CACNA2D1: variants seen among roughly 807,000 people sequenced by gnomAD.
CACNA2D1 encodes voltage-dependent calcium channel subunit alpha-2/delta-1.
A neutral mutation model predicts 171.5 loss-of-function variants in CACNA2D1; 53 were observed. The observed-to-expected ratio is 0.31, with a 90% confidence interval of 0.25 to 0.39. The LOEUF is 0.39. Among genes scored for constraint, CACNA2D1 ranks in the 10% least tolerant of loss-of-function variants. CACNA2D1 has a pLI of 1.00. For missense variants in CACNA2D1, 903 were observed against 1,299.8 expected (o/e 0.69, Z 4.69); for synonymous variants, 442 against 443.1 (o/e 1.00, Z 0.03).
At chr7:82,072,635 G>A (rs191812974) in intron 7 of CACNA2D1, among the ~76,000 whole-genome samples, 2 of 151,444 alleles carry the variant, frequency 1.3e-5, no homozygotes, top group African/African-American at 2.4e-5. Context: ...AGCATTCCAG[G>A]TGAGTAAATA....
At chr7:82,407,512 TTGAA>T (rs1249964449) in intron 1 of CACNA2D1, among the ~76,000 whole-genome samples, 1 of 152,254 alleles carries the variant, frequency 6.6e-6, no homozygotes, top group East Asian at 1.9e-4. Flanking sequence ...GCTAAAATTT[TTGAA>T]TGAAGATTCC....
chr7:82,061,763 G>A lies in CACNA2D1; in HGVS notation c.780-1236C>T, dbSNP rs569870763. Reference sequence around the variant, plus strand: ...TTTCAAAGACAGTTTGATGGGCAGGGGACTAGGATATCAGTGCTGCTAACT... The same window carrying A: ...TTTCAAAGACAGTTTGATGGGCAGGAGACTAGGATATCAGTGCTGCTAACT... On this transcript the variant is annotated intron_variant, in intron 9 of 38. Transcript: ENST00000356860. 9.4e-4 allele frequency among the ~76,000 whole-genome samples: 143 copies of A among 152,234 alleles called. No individual in the cohort carries two copies. The Middle Eastern group carries it at 0.02, about 22-fold the overall frequency.
chr7:82,097,901 GT>G (rs1812093401), intron 6 of CACNA2D1, among the ~76,000 whole-genome samples: 1 of 127,530 alleles, frequency 7.8e-6, no homozygotes, highest in East Asian at 2.4e-4. Context: ...ATCACTTGAG[GT>G]CAGGAGTTCA....
chr7:82,247,178 T>G (rs1805028327), intron 3 of CACNA2D1, among the ~76,000 whole-genome samples: 1 of 152,188 alleles, frequency 6.6e-6, no homozygotes, highest in Admixed American at 6.5e-5. Flanking sequence ...ATTCTTTCTA[T>G]TGTATTTAAC....
intron 4 of CACNA2D1, among the ~76,000 whole-genome samples, chr7:82,154,966 T>C (rs1233618270): frequency 1.3e-5 from 2 of 152,116 alleles, no homozygotes; most frequent in African/African-American, 2.4e-5. Flanking sequence ...CAGTTTCTTA[T>C]GAATGGTTCA....
chr7:82,000,771 C>CTTTTT (rs774565705), intron 18 of CACNA2D1, among the ~76,000 whole-genome samples: 654 of 51,996 alleles, frequency 0.013, 85 homozygotes, highest in Middle Eastern at 0.023. Flanking sequence ...ATTTTTCTTT[C>CTTTTT]TTTTTTTTTT....
At chr7:82,146,462 A>T (rs4732426) in intron 4 of CACNA2D1, among the ~76,000 whole-genome samples, 28,529 of 120,302 alleles carry the variant, frequency 0.24, 4,206 homozygotes, top group East Asian at 0.36. Flanking sequence ...AGATATATAT[A>T]AATATATATC....
At chr7:82,032,081 G>T (rs1483740341) in intron 12 of CACNA2D1, among the ~76,000 whole-genome samples, 2 of 151,860 alleles carry the variant, frequency 1.3e-5, no homozygotes, top group Non-Finnish European at 2.9e-5. Context: ...CTGATAATAG[G>T]ACGGCTAGAA....
chr7:82,201,581 T>C (rs577955474), intron 3 of CACNA2D1, among the ~76,000 whole-genome samples: 19 of 152,200 alleles, frequency 1.2e-4, no homozygotes, highest in Non-Finnish European at 7.3e-5. Flanking sequence ...AGGTGCACTC[T>C]TCCCCCAGGT....
At chr7:82,423,001 T>C (rs901037227) in intron 1 of CACNA2D1, among the ~76,000 whole-genome samples, 3 of 152,104 alleles carry the variant, frequency 2.0e-5, no homozygotes, top group African/African-American at 7.2e-5. Context: ...TAACTGAACA[T>C]CTGAACCAAA....
chr7:82,013,494 A>C lies in CACNA2D1; in HGVS notation c.1239T>G (p.Ile413Met). ...ACENKGYYYE[I>M]PSIGAIRINT... is the part of the protein sequence containing the mutation. ...TGATTCTTATTGCACCAATGGAAGG[A>C]ATTTCATAATAATAACCTGAAATAT... The change falls in exon 14 of 39, where the codon ATT becomes ATG. Residue 413 changes from isoleucine (I) to methionine (M), a missense_variant. Ile to Met is a conservative substitution (Grantham distance 10). This residue lies in a region of CACNA2D1 where 623 missense variants were observed against 925.5 expected (regional missense o/e 0.67). Coordinates refer to ENST00000356860, the MANE Select transcript of CACNA2D1 (RefSeq NM_000722.4). 1 of 1,076,070 alleles carries C rather than the reference A, an allele frequency of 9.3e-7. No homozygotes were observed. Among genetic ancestry groups the C allele is most frequent in the Non-Finnish European group, 1.3e-6 (1 of 770,750 alleles). The allele number at this position is 1,076,070 out of a possible 1,614,324, so 66.7% of individuals were successfully genotyped here.
At chr7:82,001,765 T>G (rs1554346783) in intron 18 of CACNA2D1, 1 of 675,238 alleles carries the variant, frequency 1.5e-6, no homozygotes, top group South Asian at 1.5e-5. Context: ...TCAACATAGG[T>G]ACGGGTTCTA....
At chr7:82,124,588 A>G (rs1047697938) in intron 5 of CACNA2D1, among the ~76,000 whole-genome samples, 1 of 152,124 alleles carries the variant, frequency 6.6e-6, no homozygotes, top group Non-Finnish European at 1.5e-5. Flanking sequence ...ACAGAGTGTA[A>G]ACCAAGTAAG....
intron 3 of CACNA2D1, among the ~76,000 whole-genome samples, chr7:82,252,945 A>G (rs1805843197): frequency 6.6e-6 from 1 of 151,954 alleles, no homozygotes; most frequent in African/African-American, 2.4e-5. Context: ...GGCAGGGTGG[A>G]TTGAGGGAGA....
At chr7:82,040,998 C>G (rs1803893035) in intron 10 of CACNA2D1, among the ~76,000 whole-genome samples, 1 of 145,876 alleles carries the variant, frequency 6.9e-6, no homozygotes, top group African/African-American at 2.5e-5. Flanking sequence ...CAAAACAAAA[C>G]AAACAAAAAA....
At chr7:81,965,194 C>T (rs992276027) in intron 32 of CACNA2D1, among the ~76,000 whole-genome samples, 3 of 151,914 alleles carry the variant, frequency 2.0e-5, no homozygotes, top group African/African-American at 7.2e-5. Context: ...GCATCTACTT[C>T]AAATTTGTTA....
chr7:82,397,170 T>A (rs1397805359), intron 1 of CACNA2D1, among the ~76,000 whole-genome samples: 1 of 152,168 alleles, frequency 6.6e-6, no homozygotes, highest in Non-Finnish European at 1.5e-5. Context: ...CCAAAAGGAT[T>A]CTGGCTTTTG....
At chr7:82,413,054 T>C (rs1247992283) in intron 1 of CACNA2D1, among the ~76,000 whole-genome samples, 1 of 152,148 alleles carries the variant, frequency 6.6e-6, no homozygotes, top group African/African-American at 2.4e-5. Flanking sequence ...GAAGTACTAT[T>C]ATTTGAATTA....
intron 4 of CACNA2D1, among the ~76,000 whole-genome samples, chr7:82,149,795 A>AAAAG (rs1554432040): frequency 3.1e-5 from 4 of 127,262 alleles, no homozygotes; most frequent in Admixed American, 2.3e-4. Flanking sequence ...AACAAACAAC[A>AAAAG]AAAAAAAAAA....
Sources: gnomAD v4.1 joint callset for allele counts (sites outside exome capture counted in the v4.1 genomes callset) on GRCh38, gnomAD v4.1.1 for gene constraint, gnomAD v4.1.1 regional missense constraint, MANE v1.5 for transcripts, NCBI Gene and HGNC (gene_info 2026-07-23, HGNC 2026-07-21) for gene names.